POLRMT: variants seen among roughly 807,000 people sequenced by gnomAD.
The protein encoded by POLRMT is RNA polymerase mitochondrial.
A neutral mutation model predicts 132.2 loss-of-function variants in POLRMT; 114 were observed. That is an observed-to-expected ratio of 0.86 (90% confidence interval 0.74 to 1.01). The LOEUF (loss-of-function observed/expected upper bound fraction) is 1.01. Among genes scored for constraint, POLRMT ranks in the 50% least tolerant of loss-of-function variants. The pLI, the probability that POLRMT is intolerant of heterozygous loss-of-function variation, is 0.00. For missense variants in POLRMT, 2,003 were observed against 1,729.1 expected, an observed-to-expected ratio of 1.16 and a Z score of -2.81; for synonymous variants, 1,020 against 773.4, an observed-to-expected ratio of 1.32 and a Z score of -5.29.
chr19:617,773 G>A lies in POLRMT; in HGVS notation c.3495+4C>T, dbSNP rs755085446. The A allele has an allele frequency of 1.3e-5, 21 of 1,613,204 alleles. No homozygotes were observed. Among genetic ancestry groups the A allele is most frequent in the Admixed American group, 5.0e-5 (3 of 60,012 alleles). ...GTGGACTGAGGCTCAGACTACGGGG[G>A]CACCTGGTTCATGACGGAGACATCA... On this transcript the variant is annotated splice_donor_region_variant and intron_variant, in intron 18 of 20. Transcript: ENST00000588649.
chr19:624,662 G>A (rs986410785), intron 5 of POLRMT, 57 bp downstream of exon 5: 45 of 1,558,518 alleles, frequency 2.9e-5, no homozygotes, highest in African/African-American at 9.5e-5. Context: ...GAGGCTCCAG[G>A]AACCCCCAAA....
chr19:617,701 G>T, intron 18 of POLRMT, 46 bp from the exon 19 acceptor site: 1 of 1,611,584 alleles, frequency 6.2e-7, no homozygotes, highest in South Asian at 1.1e-5. Flanking sequence ...GGCAGGCTCT[G>T]GGCACCACCC....
At chr19:628,271 C>T (rs998046585) in intron 3 of POLRMT, among the ~76,000 whole-genome samples, 58 of 152,338 alleles carry the variant, frequency 3.8e-4, no homozygotes, top group Non-Finnish European at 6.2e-4. Flanking sequence ...CCAAAAGCGC[C>T]CTGTTACAGT....
At chr19:620,595 G>C (rs1009909561) in intron 10 of POLRMT, 108 bp from the exon 11 acceptor site, 168 of 1,340,748 alleles carry the variant, frequency 1.3e-4, no homozygotes, top group Admixed American at 1.7e-4. Flanking sequence ...GCACACCCGT[G>C]ATAGTGAACA....
chr19:619,360 C>T (rs1416723566), intron 13 of POLRMT, 64 bp from the exon 14 acceptor site: 1 of 1,547,388 alleles, frequency 6.5e-7, no homozygotes. Flanking sequence ...CTACTCCCCC[C>T]TATTTCAGAG....
intron 3 of POLRMT, among the ~76,000 whole-genome samples, chr19:626,898 C>CACACACACACACACACACACACAT (rs371959370): frequency 2.4e-4 from 35 of 146,736 alleles, no homozygotes; most frequent in African/African-American, 8.1e-4. Flanking sequence ...CACACACACA[C>CACACACACACACACACACACACAT]ATATATATAT....
At chr19:618,060 G>A (rs762356391) in intron 17 of POLRMT, 36 of 576,292 alleles carry the variant, frequency 6.2e-5, no homozygotes, top group South Asian at 1.4e-4. Context: ...AAGCCTCCTC[G>A]CCCCACCCCT....
At position 620,945 on chromosome 19, in the gene POLRMT, G is replaced by GCC. The variant is rs1219858416; in HGVS notation, c.2640+112_2640+113insGG. 7.9e-3 allele frequency: 3,127 copies of GCC among 397,554 alleles called. 145 individuals are homozygous for GCC. The highest frequency in any genetic ancestry group is 0.016 in the Admixed American group (240 of 14,700). The allele number at this position is 397,554 out of a possible 1,614,324, so 24.6% of individuals were successfully genotyped here. A position where few individuals can be genotyped will look rare whatever the true frequency, so the allele number is the denominator to read the frequency against. On this transcript the variant is annotated intron_variant, in intron 10 of 20. Coordinates refer to ENST00000588649, the MANE Select transcript of POLRMT (RefSeq NM_005035.4). ...GGCAGGGGGCGCCAGGGGAGGGGGA[G>GCC]GGGAGGAGGAAGACGGGCAGGGGGC...
chr19:625,431 A>C (rs1600582137), intron 3 of POLRMT, 177 bp from the exon 4 acceptor site: 1 of 776,890 alleles, frequency 1.3e-6, no homozygotes, highest in Non-Finnish European at 2.0e-6. Flanking sequence ...CACAAGCTCC[A>C]CCTGCAGAGG....
At position 629,659 on chromosome 19, in the gene POLRMT, G is replaced by C. The variant is rs756594124; in HGVS notation, c.703C>G (p.Leu235Val). Residue 235 changes from leucine to valine, a missense_variant, in exon 3 of 21, where the codon CTC (leucine) becomes GTC (valine). Transcript: ENST00000588649. ...RLLAFFKCCLLTDQLPLAHHL... is the reference protein window; with the variant it reads ...RLLAFFKCCLVTDQLPLAHHL... ...TGGGCGAGGGGCAGCTGGTCAGTGA[G>C]CAGGCAGCACTTGAAGAAGGCCAGG... 6.2e-7 allele frequency: 1 copy of C among 1,610,422 alleles called. No individual in the cohort carries two copies. The highest frequency in any genetic ancestry group is 8.5e-7 in the Non-Finnish European group (1 of 1,179,542).
rs1984188609 is a variant in POLRMT at position 618,426 on chromosome 19, C to T, written c.3422+62G>A. 3.8e-6 allele frequency: 5 copies of T among 1,324,220 alleles called. No individual in the cohort carries two copies. In the South Asian group the frequency reaches 4.0e-5, roughly 11 times the overall value. 82.0% of individuals were successfully genotyped at this position (1,324,220 alleles called of 1,614,324 possible). A position where few individuals can be genotyped will look rare whatever the true frequency, so the allele number is the denominator to read the frequency against. ...CTAGACCCAGCCTTGCCAGCTGTGC[C>T]CTGCTAGCCAGAAGACGCCCCTGGG... is the stretch of plus-strand genomic sequence containing the variant. On this transcript the variant is annotated intron_variant, in intron 17 of 20. Transcript: ENST00000588649.
rs762716476 is a variant in POLRMT at position 618,572 on chromosome 19, C to G, written c.3338G>C (p.Arg1113Pro). The G allele has an allele frequency of 8.1e-6, 13 of 1,613,000 alleles. No homozygotes were observed. The highest frequency in any genetic ancestry group is 1.1e-5 in the Non-Finnish European group (13 of 1,179,256). ...NGDISRKPNT[R>P]KQKNGFPPNF... is the part of the protein sequence containing the mutation. The stretch of plus-strand genomic sequence containing the variant: ...GGGCGGGAAGCCGTTCTTCTGCTTA[C>G]GTGTGTTGGGCTTTCTGAGGACGGA... Residue 1113 changes from arginine (R) to proline (P), a missense_variant, in exon 17 of 21, where the codon CGT becomes CCT. By Grantham distance (103) the Arg-to-Pro change is moderately radical. Transcript: ENST00000588649.
At position 625,228 on chromosome 19, in the gene POLRMT, C is replaced by T. The variant is rs1984941554; in HGVS notation, c.849G>A (p.Val283=). 6.2e-7 allele frequency: 1 copy of T among 1,614,104 alleles called. No homozygotes were observed. The highest frequency in any genetic ancestry group is 8.5e-7 in the Non-Finnish European group (1 of 1,179,998). The stretch of plus-strand genomic sequence containing the variant: ...AGCCGGCATCCTTCACCATGAATAA[C>T]ACATATACCAGCTCCTTGAAGGCAC... The part of the protein sequence containing the change: ...RQGAFKELVY[V]LFMVKDAGLT... The change falls in exon 4 of 21, where the codon GTG becomes GTA. Residue 283 remains valine, a synonymous_variant. Transcript: ENST00000588649.
At chr19:626,538 G>T (rs1202112577) in intron 3 of POLRMT, among the ~76,000 whole-genome samples, 1 of 142,874 alleles carries the variant, frequency 7.0e-6, no homozygotes, top group Non-Finnish European at 1.5e-5. Flanking sequence ...TGTAACCCCA[G>T]CACTTTGGGA....
At chr19:619,907 C>A (rs942471017) in intron 12 of POLRMT, 51 bp downstream of exon 12, 4 of 1,597,122 alleles carry the variant, frequency 2.5e-6, no homozygotes, top group African/African-American at 1.3e-5. Flanking sequence ...AGACTCAGGG[C>A]TCACATTGCC....
intron 2 of POLRMT, among the ~76,000 whole-genome samples, chr19:630,987 G>A (rs1032307508): frequency 2.0e-5 from 3 of 152,024 alleles, no homozygotes; most frequent in East Asian, 3.9e-4. Context: ...GTGAAACCCC[G>A]TCTCTATTAG....
At chr19:617,950 G>C (rs1406355467) in intron 17 of POLRMT, 101 bp from the exon 18 acceptor site, 3 of 1,120,560 alleles carry the variant, frequency 2.7e-6, no homozygotes, top group African/African-American at 1.5e-5. Context: ...TTGAGGTCCA[G>C]GGAAGCCCAC....
chr19:624,192 T>C (rs1309385633), intron 5 of POLRMT, among the ~76,000 whole-genome samples: 6 of 152,098 alleles, frequency 3.9e-5, no homozygotes, highest in Non-Finnish European at 8.8e-5. Flanking sequence ...GACGTCACGC[T>C]CAGTGGGAGA....
chr19:621,522 A>G lies in POLRMT; in HGVS notation c.2176T>C (p.Cys726Arg). The G allele has an allele frequency of 7.2e-7, 1 of 1,390,112 alleles. No homozygotes were observed. The highest frequency in any genetic ancestry group is 9.3e-7 in the Non-Finnish European group (1 of 1,080,938). 86.1% of individuals were successfully genotyped at this position (1,390,112 alleles called of 1,614,324 possible). A position where few individuals can be genotyped will look rare whatever the true frequency, so the allele number is the denominator to read the frequency against. Reference sequence around the variant, plus strand: ...GGGGCCGGCACGCCTAGCTGGGGGCAGCCCTTGGCCTGGAAGAGCTGCAGC... The same window carrying G: ...GGGGCCGGCACGCCTAGCTGGGGGCGGCCCTTGGCCTGGAAGAGCTGCAGC... Reference protein sequence around the residue: ...LVLQLFQAKGCPQLGVPAPPS... With the variant: ...LVLQLFQAKGRPQLGVPAPPS... The change falls in exon 10 of 21, where the codon TGC becomes CGC. Residue 726 changes from cysteine to arginine, a missense_variant. Coordinates refer to ENST00000588649, the MANE Select transcript of POLRMT (RefSeq NM_005035.4).
Sources: gnomAD v4.1 joint callset for allele counts (sites outside exome capture counted in the v4.1 genomes callset) on GRCh38, gnomAD v4.1.1 for gene constraint, MANE v1.5 for transcripts, NCBI Gene and HGNC (gene_info 2026-07-23, HGNC 2026-07-21) for gene names.